Variants in ZRANB3 observed in about 807,000 individuals in gnomAD.
ZRANB3 encodes zinc finger RANBP2-type containing 3.
A neutral mutation model predicts 133.8 loss-of-function variants in ZRANB3; 125 were observed. That is an observed-to-expected ratio of 0.93 (90% CI 0.81 to 1.08). The LOEUF is 1.08. Ranked by LOEUF, ZRANB3 falls within the 50% of genes least tolerant of loss-of-function variation. ZRANB3 has a pLI of 0.00. For synonymous variants in ZRANB3, 387 were observed against 432.7 expected (o/e 0.89, Z 1.31); for missense variants, 1,229 against 1,275.5 (o/e 0.96, Z 0.56).
At chr2:135,498,785 A>G (rs75004674) in intron 2 of ZRANB3, among the ~76,000 whole-genome samples, 1,568 of 152,214 alleles carry the variant, frequency 0.01, 24 homozygotes, top group African/African-American at 0.036. Context: ...TTACGGTTGT[A>G]GATAAGGGAT....
At chr2:135,420,455 G>A (rs1688793131) in intron 2 of ZRANB3, among the ~76,000 whole-genome samples, 1 of 151,876 alleles carries the variant, frequency 6.6e-6, no homozygotes, top group Admixed American at 6.6e-5. Flanking sequence ...AGGTAGTAGG[G>A]GAGTTTATTA....
At chr2:135,348,185 G>A (rs537560186) in intron 5 of ZRANB3, among the ~76,000 whole-genome samples, 1 of 151,798 alleles carries the variant, frequency 6.6e-6, no homozygotes, top group African/African-American at 2.4e-5. Flanking sequence ...CTTGAACCTG[G>A]GAGGTAGAAG....
At chr2:135,469,019 T>A (rs1043331376) in intron 2 of ZRANB3, among the ~76,000 whole-genome samples, 2 of 152,178 alleles carry the variant, frequency 1.3e-5, no homozygotes, top group Non-Finnish European at 2.9e-5. Context: ...AGATGTCACA[T>A]AAATCCAAGG....
intron 2 of ZRANB3, among the ~76,000 whole-genome samples, chr2:135,492,823 A>G (rs1692451674): frequency 6.6e-6 from 1 of 151,976 alleles, no homozygotes; most frequent in Admixed American, 6.6e-5. Flanking sequence ...TGGAAATAAG[A>G]GTCCTAAATA....
At chr2:135,335,871 C>T (rs1418686890) in intron 6 of ZRANB3, among the ~76,000 whole-genome samples, 1 of 152,036 alleles carries the variant, frequency 6.6e-6, no homozygotes, top group East Asian at 1.9e-4. Flanking sequence ...AGTTGCCATT[C>T]CCTAAGTTTT....
chr2:135,425,618 G>A (rs60983195), intron 2 of ZRANB3, among the ~76,000 whole-genome samples: 35,754 of 151,964 alleles, frequency 0.24, 6,488 homozygotes, highest in African/African-American at 0.49. Context: ...TAAAGCAGAA[G>A]TCAAGAAAGA....
intron 8 of ZRANB3, among the ~76,000 whole-genome samples, chr2:135,290,785 T>G (rs895972997): frequency 2.0e-5 from 3 of 152,036 alleles, no homozygotes; most frequent in Non-Finnish European, 4.4e-5. Flanking sequence ...TTTCATGATC[T>G]TTTTGCGATG....
chr2:135,490,810 A>G (rs1169769387), intron 2 of ZRANB3, among the ~76,000 whole-genome samples: 1 of 152,244 alleles, frequency 6.6e-6, no homozygotes, highest in Admixed American at 6.5e-5. Flanking sequence ...TCAGCCATAA[A>G]CAAGAATAAA....
chr2:135,496,157 T>G (rs1244602087), intron 2 of ZRANB3, among the ~76,000 whole-genome samples: 1 of 150,972 alleles, frequency 6.6e-6, no homozygotes, highest in African/African-American at 2.4e-5. Context: ...CCAAGGCGGG[T>G]GGATCACCTG....
intron 2 of ZRANB3, among the ~76,000 whole-genome samples, chr2:135,497,506 T>G (rs1393878556): frequency 6.6e-6 from 1 of 152,178 alleles, no homozygotes; most frequent in African/African-American, 2.4e-5. Flanking sequence ...AAAAATTCAA[T>G]CATTAGTTGC....
At chr2:135,491,439 G>A (rs992312529) in intron 2 of ZRANB3, among the ~76,000 whole-genome samples, 6 of 152,088 alleles carry the variant, frequency 3.9e-5, no homozygotes, top group African/African-American at 1.2e-4. Flanking sequence ...CCACCTCCCG[G>A]GTTTATGCGA....
chr2:135,231,684 G>T (rs1695022797), intron 12 of ZRANB3, among the ~76,000 whole-genome samples: 1 of 152,132 alleles, frequency 6.6e-6, no homozygotes, highest in African/African-American at 2.4e-5. Context: ...GCTACTCGGG[G>T]AGCTGAGGTG....
intron 12 of ZRANB3, among the ~76,000 whole-genome samples, chr2:135,236,041 A>T (rs1001969604): frequency 6.6e-6 from 1 of 152,182 alleles, no homozygotes; most frequent in Non-Finnish European, 1.5e-5. Flanking sequence ...AGAAAACCCC[A>T]TCGTCTCAGC....
At chr2:135,230,298 C>T (rs933983584) in intron 13 of ZRANB3, among the ~76,000 whole-genome samples, 5 of 152,160 alleles carry the variant, frequency 3.3e-5, no homozygotes, top group Admixed American at 6.5e-5. Flanking sequence ...ATATCACAGA[C>T]GTTTGGGGAT....
chr2:135,497,039 A>C (rs1692704148), intron 2 of ZRANB3, among the ~76,000 whole-genome samples: 1 of 152,230 alleles, frequency 6.6e-6, no homozygotes, highest in Non-Finnish European at 1.5e-5. Flanking sequence ...TAAATACAAA[A>C]TATCAAAACT....
Position 135,230,841 on chromosome 2 carries a change from T to C in ZRANB3, c.1626A>G (p.Ser542=). ...CAGTATTTTCCTCCCGGAATCTCTT[T>C]GATTCGTCACAGGAGGTCATCAACT... ...KRQLMTSCDE[S]KRFREENTVV... is the part of the protein sequence containing the mutation. The change falls in exon 13 of 21, where the codon TCA becomes TCG. Residue 542 remains serine, a synonymous_variant. Coordinates refer to ENST00000264159, the MANE Select transcript of ZRANB3 (RefSeq NM_032143.4). 8.7e-6 allele frequency: 14 copies of C among 1,613,226 alleles called. No homozygotes were observed. Among genetic ancestry groups the C allele is most frequent in the Non-Finnish European group, 1.2e-5 (14 of 1,179,674 alleles).
chr2:135,365,461 A>C (rs1177767008), intron 3 of ZRANB3, among the ~76,000 whole-genome samples: 1 of 152,246 alleles, frequency 6.6e-6, no homozygotes, highest in Non-Finnish European at 1.5e-5. Context: ...GATCAACCTT[A>C]ACTGTTTAAC....
rs540481935 is a variant in ZRANB3, at chr2:135,385,263, AC to A, written c.180+5538del. Among the ~76,000 whole-genome samples, 737 of 152,270 alleles carry A rather than the reference AC, an allele frequency of 4.8e-3. 2 individuals are homozygous for A. The highest frequency in any genetic ancestry group is 0.015 in the African/African-American group (618 of 41,532). On this transcript the variant is annotated intron_variant, in intron 3 of 20. Coordinates refer to ENST00000264159, the MANE Select transcript of ZRANB3 (RefSeq NM_032143.4). ...ACAATTGCTTCAATGAGAATAAAAT[AC>A]CTAGGAATCCAACTTACAAGGGATG...
In ZRANB3 at chr2:135,254,334, T is replaced by C. The variant is rs147668355; in HGVS notation, c.1539+11200A>G. On this transcript the variant is annotated intron_variant, in intron 12 of 20. Coordinates refer to ENST00000264159, the MANE Select transcript of ZRANB3 (RefSeq NM_032143.4). ...TGTCTCTATTTTCATATTTATCGTA[T>C]TGCATTAAAATGATTTGTTTACAAC... is the stretch of plus-strand genomic sequence containing the variant. 1.7e-4 allele frequency among the ~76,000 whole-genome samples: 26 copies of C among 152,354 alleles called. 3 individuals are homozygous for C. Among genetic ancestry groups the C allele is most frequent in the African/African-American group, 6.0e-4 (25 of 41,594 alleles).
Sources: gnomAD v4.1 joint callset for allele counts (sites outside exome capture counted in the v4.1 genomes callset) on GRCh38, gnomAD v4.1.1 for gene constraint, MANE v1.5 for transcripts, NCBI Gene and HGNC (gene_info 2026-07-23, HGNC 2026-07-21) for gene names.